SNAI1: variants seen among roughly 807,000 people sequenced by gnomAD.
SNAI1 encodes the protein zinc finger protein SNAI1.
SNAI1 carries 15 observed loss-of-function variants against 24.7 expected under a neutral mutation model. That is an observed-to-expected ratio of 0.61 (90% CI 0.41 to 0.93). The LOEUF is 0.93. SNAI1 is among the 40% of genes least tolerant of loss of function. The pLI, the probability that SNAI1 is intolerant of heterozygous loss-of-function variation, is 0.00. For missense variants in SNAI1, 283 were observed against 336.7 expected (o/e 0.84, Z 1.25); for synonymous variants, 163 against 142.9 (o/e 1.14, Z -1.00).
Position 49,984,353 on chromosome 20 carries a change from T to C in SNAI1, c.610+2T>C. 6.3e-7 allele frequency: 1 copy of C among 1,590,700 alleles called. No individual in the cohort carries two copies. Among genetic ancestry groups the C allele is most frequent in the Non-Finnish European group, 8.6e-7 (1 of 1,169,008 alleles). On this transcript the variant is annotated splice_donor_variant, in intron 2 of 2. Transcript: ENST00000244050. LOFTEE classifies it high-confidence loss of function. ...AAGGCCATGTCCGGACCCACACTGG[T>C]ACGTGCCCCTCCAGGCGCCCCCACC...
intron 2 of SNAI1, among the ~76,000 whole-genome samples, chr20:49,985,006 GT>G (rs2078329589): frequency 7.6e-6 from 1 of 131,262 alleles, no homozygotes; most frequent in Admixed American, 7.1e-5. Context: ...GATAGCATAT[GT>G]TTTAGAGAGT....
chr20:49,983,195 T>A, intron 1 of SNAI1, 54 bp downstream of exon 1: 10 of 1,374,118 alleles, frequency 7.3e-6, no homozygotes, highest in Non-Finnish European at 1.0e-5. Flanking sequence ...AGGCGAAGGC[T>A]GCGTGGGGGG....
Position 49,983,847 on chromosome 20 carries a change from G to A in SNAI1, c.106G>A (p.Asp36Asn). Reference protein sequence around the residue: ...NPEFTFQQPYDQAHLLAAIPP... With the variant: ...NPEFTFQQPYNQAHLLAAIPP... ...AGAGTTTACCTTCCAGCAGCCCTAC[G>A]ACCAGGCCCACCTGCTGGCAGCCAT... Residue 36 changes from aspartate (D) to asparagine (N), a missense_variant, in exon 2 of 3, where the codon GAC (aspartate) becomes AAC (asparagine). Transcript: ENST00000244050. The A allele has an allele frequency of 6.2e-7, 1 of 1,605,774 alleles. No homozygotes were observed. The highest frequency in any genetic ancestry group is 8.5e-7 in the Non-Finnish European group (1 of 1,176,458).
chr20:49,983,939 G>T lies in SNAI1; in HGVS notation c.198G>T (p.Ala66=), dbSNP rs756433600. The T allele has an allele frequency of 1.2e-6, 2 of 1,613,210 alleles. No individual in the cohort carries two copies. The highest frequency in any genetic ancestry group is 3.3e-5 in the Admixed American group (2 of 59,988). ...LPMLIWDSVL[A]PQAQPIAWAS... ...TGCTCATCTGGGACTCTGTCCTGGC[G>T]CCCCAAGCCCAGCCAATTGCCTGGG... The change falls in exon 2 of 3, where the codon GCG becomes GCT. Residue 66 remains alanine, a synonymous_variant. Transcript: ENST00000244050.
chr20:49,988,550 G>A lies in SNAI1; in HGVS notation c.*494G>A, dbSNP rs1352069798. 2.0e-5 allele frequency: 3 copies of A among 153,114 alleles called. No homozygotes were observed. Among genetic ancestry groups the A allele is most frequent in the Admixed American group, 2.0e-4 (3 of 15,326 alleles). The allele number at this position is 153,114 out of a possible 1,614,324, so 9.5% of individuals were successfully genotyped here. On this transcript the variant is annotated 3_prime_UTR_variant, in exon 3 of 3. Transcript: ENST00000244050. Reference sequence around the variant, plus strand: ...CCCAGGGCCTGCGGAGGCGGTGGCAGACTAGAGTCTGAGATGCCCCGAGCC... The same window carrying A: ...CCCAGGGCCTGCGGAGGCGGTGGCAAACTAGAGTCTGAGATGCCCCGAGCC...
Position 49,983,040 on chromosome 20 carries a change from A to AC in SNAI1, c.-16dup, listed in dbSNP as rs1568930334. 6 of 1,602,384 alleles carry AC rather than the reference A, an allele frequency of 3.7e-6. No homozygotes were observed. Among genetic ancestry groups the AC allele is most frequent in the East Asian group, 2.3e-5 (1 of 44,390 alleles). ...TGCGCTACTGCTGCGCGAATCGGCG[A>AC]CCCCAGTGCCTCGACCACTATGCCG... On this transcript the variant is annotated 5_prime_UTR_variant, in exon 1 of 3. Coordinates refer to ENST00000244050, the MANE Select transcript of SNAI1 (RefSeq NM_005985.4).
rs1160955297 is a variant in SNAI1 at position 49,984,037 on chromosome 20, G to C, written c.296G>C (p.Gly99Ala). The stretch of plus-strand genomic sequence containing the variant: ...CTGTCAGATGAGGACAGTGGGAAAG[G>C]CTCCCAGCCCCCCAGCCCACCCTCA... ...TSLSDEDSGK[G>A]SQPPSPPSPA... is the part of the protein sequence containing the mutation. The change falls in exon 2 of 3, where the codon GGC (glycine) becomes GCC (alanine). Residue 99 changes from glycine (G) to alanine (A), a missense_variant. Gly to Ala is a moderately conservative substitution (Grantham distance 60, BLOSUM62 0). Transcript: ENST00000244050. 6.2e-7 allele frequency: 1 copy of C among 1,613,628 alleles called. No homozygotes were observed. The highest frequency in any genetic ancestry group is 8.5e-7 in the Non-Finnish European group (1 of 1,179,816).
rs1392071322 is a variant in SNAI1 at position 49,987,900 on chromosome 20, C to T, written c.639C>T (p.Cys213=). The change falls in exon 3 of 3, where the codon TGC becomes TGT. Residue 213 remains cysteine, a synonymous_variant. Coordinates refer to ENST00000244050, the MANE Select transcript of SNAI1 (RefSeq NM_005985.4). ...TGEKPFSCPH[C]SRAFADRSNL... is the part of the protein sequence containing the mutation. ...AGAAGCCCTTCTCCTGTCCCCACTG[C>T]AGCCGTGCCTTCGCTGACCGCTCCA... 1.2e-6 allele frequency: 2 copies of T among 1,614,022 alleles called. No homozygotes were observed. Among genetic ancestry groups the T allele is most frequent in the East Asian group, 2.2e-5 (1 of 44,886 alleles).
intron 2 of SNAI1, among the ~76,000 whole-genome samples, chr20:49,985,615 C>T (rs1001633935): frequency 6.6e-6 from 1 of 152,116 alleles, no homozygotes; most frequent in Non-Finnish European, 1.5e-5. Context: ...GGCTGAGACA[C>T]AGAAATCCCC....
At chr20:49,984,894 G>A (rs532874854) in intron 2 of SNAI1, among the ~76,000 whole-genome samples, 5 of 152,350 alleles carry the variant, frequency 3.3e-5, no homozygotes, top group African/African-American at 1.2e-4. Context: ...GCCGGTACCT[G>A]CTAAACTCTC....
In SNAI1 at chr20:49,985,242, G is replaced by A. The variant is rs550688315; in HGVS notation, c.610+891G>A. On this transcript the variant is annotated intron_variant, in intron 2 of 2. Transcript: ENST00000244050. Reference sequence around the variant, plus strand: ...GAACTTGAATGGTGGCAGCCACTGTGCCTGGAGCTGCTCTTTGGAGAGTGA... The same window carrying A: ...GAACTTGAATGGTGGCAGCCACTGTACCTGGAGCTGCTCTTTGGAGAGTGA... Among the ~76,000 whole-genome samples the A allele has an allele frequency of 1.6e-4, 24 of 152,330 alleles. No homozygotes were observed. The South Asian group carries it at 3.3e-3, about 21-fold the overall frequency.
intron 2 of SNAI1, among the ~76,000 whole-genome samples, 165 bp from the exon 3 acceptor site, chr20:49,987,707 T>TC (rs1390663726): frequency 6.6e-6 from 1 of 152,054 alleles, no homozygotes; most frequent in Non-Finnish European, 1.5e-5. Flanking sequence ...GCAGCAGAGC[T>TC]CCGTCAGGTC....
At chr20:49,983,796 AC>A in intron 1 of SNAI1, 27 bp from the exon 2 acceptor site, 1 of 1,544,460 alleles carries the variant, frequency 6.5e-7, no homozygotes. Flanking sequence ...GATTTAATTA[AC>A]GCCTGACTCT....
chr20:49,987,920 G>A lies in SNAI1; in HGVS notation c.659G>A (p.Arg220His), dbSNP rs2146881187. The change falls in exon 3 of 3, where the codon CGC (arginine) becomes CAC (histidine). Residue 220 changes from arginine (R) to histidine (H), a missense_variant. Physicochemically the swap from Arg to His is conservative, Grantham distance 29. Transcript: ENST00000244050. ...CACTGCAGCCGTGCCTTCGCTGACCGCTCCAACCTGCGGGCCCACCTCCAG... is the reference window on the plus strand; with the variant it reads ...CACTGCAGCCGTGCCTTCGCTGACCACTCCAACCTGCGGGCCCACCTCCAG... Reference protein sequence around the residue: ...CPHCSRAFADRSNLRAHLQTH... With the variant: ...CPHCSRAFADHSNLRAHLQTH... 1.2e-6 allele frequency: 2 copies of A among 1,614,032 alleles called. No individual in the cohort carries two copies.
At position 49,984,232 on chromosome 20, in the gene SNAI1, T is replaced by G; in HGVS notation, c.491T>G (p.Leu164Arg). Residue 164 changes from leucine (L) to arginine (R), a missense_variant, in exon 2 of 3, where the codon CTC (leucine) becomes CGC (arginine). By Grantham distance (102) the Leu-to-Arg change is moderately radical (BLOSUM62 -2). Coordinates refer to ENST00000244050, the MANE Select transcript of SNAI1 (RefSeq NM_005985.4). ...FNCKYCNKEY[L>R]SLGALKMHIR... ...TGCAAATACTGCAACAAGGAATACC[T>G]CAGCCTGGGTGCCCTCAAGATGCAC... The G allele has an allele frequency of 6.2e-7, 1 of 1,614,160 alleles. No individual in the cohort carries two copies. The highest frequency in any genetic ancestry group is 1.1e-5 in the South Asian group (1 of 91,086).
chr20:49,985,043 A>G (rs6012790), intron 2 of SNAI1, among the ~76,000 whole-genome samples: 42,434 of 152,066 alleles, frequency 0.28, 9,822 homozygotes, highest in African/African-American at 0.64. Context: ...TAATCACTTT[A>G]TAGTAATTTA....
chr20:49,986,166 C>T (rs1159389057), intron 2 of SNAI1, among the ~76,000 whole-genome samples: 1 of 152,212 alleles, frequency 6.6e-6, no homozygotes, highest in Non-Finnish European at 1.5e-5. Flanking sequence ...GGTGAACTTA[C>T]CCTTCTCATT....
chr20:49,983,768 T>G, intron 1 of SNAI1, 56 bp from the exon 2 acceptor site: 3 of 1,489,446 alleles, frequency 2.0e-6, no homozygotes, highest in Non-Finnish European at 2.7e-6. Context: ...TGGGCTCATG[T>G]TTGTTGATTG....
intron 2 of SNAI1, among the ~76,000 whole-genome samples, chr20:49,986,926 C>G (rs1185937516): frequency 6.6e-6 from 1 of 152,144 alleles, no homozygotes; most frequent in African/African-American, 2.4e-5. Flanking sequence ...GGGGCAGACT[C>G]CTCTGAGGCC....
Sources: allele counts gnomAD v4.1 joint callset (sites outside exome capture counted in the v4.1 genomes callset), GRCh38; gene constraint gnomAD v4.1.1; transcripts MANE v1.5; gene names NCBI Gene and HGNC (gene_info 2026-07-23, HGNC 2026-07-21).